PLEKHA5: variants seen among roughly 807,000 people sequenced by gnomAD.
The protein encoded by PLEKHA5 is pleckstrin homology domain-containing family A member 5.
In PLEKHA5, 55 loss-of-function variants were observed where a neutral mutation model predicts 181.9. The observed-to-expected ratio is 0.30, with a 90% CI of 0.24 to 0.38. The LOEUF (loss-of-function observed/expected upper bound fraction) is 0.38, where lower values mean the gene tolerates loss of function less well. PLEKHA5 is among the 10% of genes least tolerant of loss of function. The pLI is 1.00. For missense variants in PLEKHA5, 1,432 were observed against 1,549.5 expected (o/e 0.92, Z 1.27); for synonymous variants, 535 against 529.4 (o/e 1.01, Z -0.15).
At chr12:19,319,348 A>ATAT (rs2090020974) in intron 16 of PLEKHA5, among the ~76,000 whole-genome samples, 1 of 152,158 alleles carries the variant, frequency 6.6e-6, no homozygotes, top group South Asian at 2.1e-4. Flanking sequence ...TCCAGGATTT[A>ATAT]TTGTATGTTT....
At position 19,364,110 on chromosome 12, in the gene PLEKHA5, A is replaced by G. The variant is rs571284468; in HGVS notation, c.3609-1854A>G. ...AACTTTTAATTCCAAAACTTGGTAC[A>G]TTAAGGGAAAGGATCAAGTATTTAT... is the stretch of plus-strand genomic sequence containing the variant. On this transcript the variant is annotated intron_variant, in intron 29 of 31. Transcript: ENST00000429027. 7.2e-5 allele frequency among the ~76,000 whole-genome samples: 11 copies of G among 152,344 alleles called. 1 individual carries two copies. Among genetic ancestry groups the G allele is most frequent in the African/African-American group, 2.6e-4 (11 of 41,588 alleles).
chr12:19,275,898 G>A (rs2074380161), intron 11 of PLEKHA5, among the ~76,000 whole-genome samples: 1 of 152,168 alleles, frequency 6.6e-6, no homozygotes, highest in Non-Finnish European at 1.5e-5. Flanking sequence ...AAAAGATACA[G>A]TCCAGATACT....
chr12:19,206,963 A>G (rs1205627993), intron 3 of PLEKHA5, among the ~76,000 whole-genome samples: 2 of 152,176 alleles, frequency 1.3e-5, no homozygotes, highest in Non-Finnish European at 2.9e-5. Context: ...ACTGTGACAA[A>G]GATTCATGAG....
intron 3 of PLEKHA5, among the ~76,000 whole-genome samples, chr12:19,226,332 T>C (rs1208695433): frequency 6.6e-6 from 1 of 152,230 alleles, no homozygotes. Flanking sequence ...TGTTTTTCCA[T>C]TCATTTGTTG....
chr12:19,299,452 A>G (rs1448354493), intron 15 of PLEKHA5, among the ~76,000 whole-genome samples: 1 of 152,212 alleles, frequency 6.6e-6, no homozygotes. Flanking sequence ...TCAGCAAATC[A>G]TTTAGTCAGC....
intron 15 of PLEKHA5, among the ~76,000 whole-genome samples, chr12:19,299,057 A>G (rs1013809546): frequency 2.6e-5 from 4 of 152,248 alleles, no homozygotes; most frequent in Admixed American, 6.5e-5. Context: ...CTAAGGTATG[A>G]CAAGCCTCCT....
chr12:19,184,024 A>T (rs1481453779), intron 3 of PLEKHA5, among the ~76,000 whole-genome samples: 1 of 152,092 alleles, frequency 6.6e-6, no homozygotes, highest in Non-Finnish European at 1.5e-5. Context: ...CTTATAAGGA[A>T]AAATTTGTTA....
At chr12:19,341,918 A>G (rs1418285660) in intron 21 of PLEKHA5, among the ~76,000 whole-genome samples, 1 of 152,048 alleles carries the variant, frequency 6.6e-6, no homozygotes, top group Non-Finnish European at 1.5e-5. Context: ...TTTTTGGTAG[A>G]GATGGGGTTT....
At chr12:19,211,664 ATTTAT>A (rs1326416695) in intron 3 of PLEKHA5, among the ~76,000 whole-genome samples, 1 of 152,196 alleles carries the variant, frequency 6.6e-6, no homozygotes, top group Non-Finnish European at 1.5e-5. Context: ...CACAAAAAAA[ATTTAT>A]TTTAAAGATC....
intron 3 of PLEKHA5, among the ~76,000 whole-genome samples, chr12:19,199,360 T>G (rs1401311973): frequency 6.6e-6 from 1 of 152,134 alleles, no homozygotes; most frequent in Non-Finnish European, 1.5e-5. Context: ...ATCAACAACA[T>G]GTAGTGTCAT....
At chr12:19,198,153 A>G (rs1210335864) in intron 3 of PLEKHA5, among the ~76,000 whole-genome samples, 1 of 152,200 alleles carries the variant, frequency 6.6e-6, no homozygotes, top group Non-Finnish European at 1.5e-5. Flanking sequence ...TTTTCTTAAA[A>G]TATAAAAATG....
At chr12:19,329,197 A>T (rs528731846) in intron 20 of PLEKHA5, among the ~76,000 whole-genome samples, 27 of 152,264 alleles carry the variant, frequency 1.8e-4, no homozygotes, top group African/African-American at 6.3e-4. Context: ...CTATTTTATC[A>T]TGGTGAATTA....
Position 19,255,087 on chromosome 12 carries a change from A to C in PLEKHA5, c.354A>C (p.Pro118=), listed in dbSNP as rs746815652. ...TMTSEEKKER[P]ISMINEASNY... The stretch of plus-strand genomic sequence containing the variant: ...CATCTGAAGAAAAGAAGGAACGGCC[A>C]ATAAGTATGATAAATGAAGCTTCTA... Residue 118 remains proline (P), a synonymous_variant, in exon 5 of 32, where the codon CCA becomes CCC. Coordinates refer to ENST00000429027, the MANE Select transcript of PLEKHA5 (RefSeq NM_001256470.2). The C allele has an allele frequency of 6.2e-7, 1 of 1,609,986 alleles. No individual in the cohort carries two copies. The highest frequency in any genetic ancestry group is 1.1e-5 in the South Asian group (1 of 90,700).
intron 1 of PLEKHA5, 61 bp downstream of exon 1, chr12:19,129,949 G>A: frequency 1.3e-6 from 2 of 1,500,168 alleles, no homozygotes; most frequent in Admixed American, 1.9e-5. Context: ...GCGGGCGGCT[G>A]GCGACACGGG....
rs538694748 is a variant in PLEKHA5, at chr12:19,230,306, G to T, written c.228-23634G>T. ...GGAGCCCAGCTGGCTTCACCTAGTGGATCCCGCACTGGGCCGCAGGCGGAC... is the reference window on the plus strand; with the variant it reads ...GGAGCCCAGCTGGCTTCACCTAGTGTATCCCGCACTGGGCCGCAGGCGGAC... On this transcript the variant is annotated intron_variant, in intron 3 of 31. Coordinates refer to ENST00000429027, the MANE Select transcript of PLEKHA5 (RefSeq NM_001256470.2). Among the ~76,000 whole-genome samples, 8 of 152,328 alleles carry T rather than the reference G, an allele frequency of 5.3e-5. No individual in the cohort carries two copies. In the South Asian group the frequency reaches 1.7e-3, roughly 32 times the overall value.
At position 19,290,800 on chromosome 12, in the gene PLEKHA5, A is replaced by G; in HGVS notation, c.1983+4A>G. ...GCTTGAGGCCCACAGCCCAAAGGTC[A>G]GCTATGGAGAGATTTGTCTGTGTCG... On this transcript the variant is annotated splice_donor_region_variant and intron_variant, in intron 14 of 31. Transcript: ENST00000429027. 1 of 1,524,044 alleles carries G rather than the reference A, an allele frequency of 6.6e-7. No individual in the cohort carries two copies. Among genetic ancestry groups the G allele is most frequent in the African/African-American group, 1.4e-5 (1 of 72,800 alleles). The allele number at this position is 1,524,044 out of a possible 1,614,324, so 94.4% of individuals were successfully genotyped here. A position where few individuals can be genotyped will look rare whatever the true frequency, so the allele number is the denominator to read the frequency against.
intron 22 of PLEKHA5, among the ~76,000 whole-genome samples, chr12:19,345,490 G>A (rs562549790): frequency 9.2e-5 from 14 of 151,462 alleles, no homozygotes; most frequent in African/African-American, 2.2e-4. Flanking sequence ...TTGGCTGGAC[G>A]CCATGGCTCA....
At chr12:19,322,271 TA>T in intron 18 of PLEKHA5, 38 bp from the exon 19 acceptor site, 1 of 1,378,306 alleles carries the variant, frequency 7.3e-7, no homozygotes, top group Non-Finnish European at 1.0e-6. Flanking sequence ...ACAGAAAAAA[TA>T]AAAAATTGCT....
intron 18 of PLEKHA5, chr12:19,320,894 C>T (rs1233372648): frequency 2.0e-5 from 4 of 199,350 alleles, no homozygotes; most frequent in Non-Finnish European, 4.0e-5. Flanking sequence ...TGGCTGGACA[C>T]GGTGGCCCAC....
Sources: allele counts gnomAD v4.1 joint callset (sites outside exome capture counted in the v4.1 genomes callset), GRCh38; gene constraint gnomAD v4.1.1; transcripts MANE v1.5; gene names NCBI Gene and HGNC (gene_info 2026-07-23, HGNC 2026-07-21).